C9orf85: variants seen among roughly 807,000 people sequenced by gnomAD.
C9orf85 encodes the protein chromosome 9 open reading frame 85, also known as uncharacterized protein C9orf85.
In C9orf85, 16 loss-of-function variants were observed where a neutral mutation model predicts 14.9. The observed-to-expected ratio is 1.08, with a 90% CI of 0.73 to 1.63. C9orf85 has a LOEUF of 1.63. Among genes scored for constraint, C9orf85 ranks in the 40% most tolerant of loss-of-function variants. The probability of loss-of-function intolerance (pLI) is 0.00; values close to 1 mark genes in which losing one functional copy is unlikely to be tolerated. For missense variants in C9orf85, 172 were observed against 186.1 expected, an observed-to-expected ratio of 0.92 and a Z score of 0.44; for synonymous variants, 45 against 56.8, an observed-to-expected ratio of 0.79 and a Z score of 0.93.
chr9:71,951,999 C>G (rs1395524052), intron 2 of C9orf85, among the ~76,000 whole-genome samples: 1 of 151,970 alleles, frequency 6.6e-6, no homozygotes, highest in Non-Finnish European at 1.5e-5. Context: ...TTTCAAGGTA[C>G]TAGAAATATA....
At chr9:71,961,067 C>T (rs754081826) in intron 2 of C9orf85, among the ~76,000 whole-genome samples, 1 of 151,868 alleles carries the variant, frequency 6.6e-6, no homozygotes, top group Non-Finnish European at 1.5e-5. Context: ...CATGCGCCAC[C>T]ACACCCGGCT....
intron 2 of C9orf85, among the ~76,000 whole-genome samples, chr9:71,964,299 A>C (rs1414775495): frequency 1.3e-5 from 2 of 152,016 alleles, no homozygotes; most frequent in Non-Finnish European, 2.9e-5. Context: ...AGAGAAGAGA[A>C]TAAAAGCAGG....
chr9:71,959,951 T>C (rs1469337581), intron 2 of C9orf85, among the ~76,000 whole-genome samples: 3 of 152,224 alleles, frequency 2.0e-5, no homozygotes, highest in African/African-American at 7.2e-5. Flanking sequence ...TACAAGACAC[T>C]GTGTTGTATG....
chr9:71,974,463 G>A (rs76891712), downstream of C9orf85, among the ~76,000 whole-genome samples: 2 of 151,956 alleles, frequency 1.3e-5, no homozygotes, highest in African/African-American at 2.4e-5. Context: ...AGGTGGTCTC[G>A]AACTCCTGGC....
intron 3 of C9orf85, among the ~76,000 whole-genome samples, chr9:71,981,930 C>G (rs1823104296): frequency 6.6e-6 from 1 of 152,030 alleles, no homozygotes; most frequent in South Asian, 2.1e-4. Flanking sequence ...TAAGACTCAC[C>G]AATTTTAAGT....
At chr9:71,961,591 A>G (rs1822526122) in intron 2 of C9orf85, among the ~76,000 whole-genome samples, 1 of 152,120 alleles carries the variant, frequency 6.6e-6, no homozygotes, top group African/African-American at 2.4e-5. Context: ...ACCACATTCC[A>G]AGAGTATTAA....
Position 71,968,095 on chromosome 9 carries a change from T to TAGAGAGAG in C9orf85, c.210-3409_210-3408insGAGAGAGA, listed in dbSNP as rs1278553423. Among the ~76,000 whole-genome samples, 8 of 15,008 alleles carry TAGAGAGAG rather than the reference T, an allele frequency of 5.3e-4. No homozygotes were observed. In the East Asian group the frequency reaches 6.7e-3, roughly 13 times the overall value. 9.8% of individuals were successfully genotyped at this position (15,008 alleles called of 152,430 possible). A position where few individuals can be genotyped will look rare whatever the true frequency, so the allele number is the denominator to read the frequency against. Reference sequence around the variant, plus strand: ...GGATAAATCCATTGCTGCATATATATATATATAGAGAGAGAGAGAGAGAGT... The same window carrying TAGAGAGAG: ...GGATAAATCCATTGCTGCATATATATAGAGAGAGATATATAGAGAGAGAGAGAGAGAGT... On this transcript the variant is annotated intron_variant, in intron 2 of 3. Transcript: ENST00000334731.
At chr9:71,974,794 C>A (rs544328795), downstream of C9orf85, among the ~76,000 whole-genome samples, 3 of 152,308 alleles carry the variant, frequency 2.0e-5, no homozygotes, top group South Asian at 2.1e-4. Flanking sequence ...CACTCTGCAT[C>A]TTCTAATACT....
chr9:71,972,226 G>C (rs1321797230), intron 3 of C9orf85, among the ~76,000 whole-genome samples: 1 of 151,774 alleles, frequency 6.6e-6, no homozygotes, highest in Non-Finnish European at 1.5e-5. Flanking sequence ...AGTGACAATA[G>C]TATTATAATT....
Position 71,980,298 on chromosome 9 carries a change from G to T in C9orf85, c.324-2359G>T, listed in dbSNP as rs548356117. Among the ~76,000 whole-genome samples the T allele has an allele frequency of 2.6e-5, 4 of 152,182 alleles. No individual in the cohort carries two copies. The South Asian group carries it at 8.3e-4, about 32-fold the overall frequency. ...CAAAGTGCTGGGATTACAGGTGTAAGCCATTACACCTGGCCTATATTTTTT... is the reference window on the plus strand; with the variant it reads ...CAAAGTGCTGGGATTACAGGTGTAATCCATTACACCTGGCCTATATTTTTT... On this transcript the variant is annotated intron_variant, in intron 3 of 3. Transcript: ENST00000377031.
At chr9:71,926,889 A>G (rs1166920823) in intron 1 of C9orf85, among the ~76,000 whole-genome samples, 1 of 151,956 alleles carries the variant, frequency 6.6e-6, no homozygotes, top group Non-Finnish European at 1.5e-5. Flanking sequence ...TACAGAGGAC[A>G]TGGAAGGTAA....
rs1451571278 is a variant in C9orf85 at position 71,963,050 on chromosome 9, C to G, written c.210-8455C>G. Among the ~76,000 whole-genome samples the G allele has an allele frequency of 4.0e-5, 6 of 151,876 alleles. No individual in the cohort carries two copies. The East Asian group carries it at 1.2e-3, about 29-fold the overall frequency. On this transcript the variant is annotated intron_variant, in intron 2 of 3. Coordinates refer to ENST00000334731, the MANE Select transcript of C9orf85 (RefSeq NM_182505.5). ...CAGCATGGGGGACAAGAGTGAAACT[C>G]CGTCTCACCAAAAAAAAAGGTTGTG... is the stretch of plus-strand genomic sequence containing the variant.
intron 1 of C9orf85, among the ~76,000 whole-genome samples, chr9:71,940,829 T>C (rs1399842485): frequency 1.3e-5 from 2 of 152,180 alleles, no homozygotes; most frequent in African/African-American, 2.4e-5. Context: ...AATTGGTGAA[T>C]TGAATAAACA....
intron 2 of C9orf85, among the ~76,000 whole-genome samples, chr9:71,968,930 A>G (rs1190848679): frequency 3.9e-5 from 6 of 151,972 alleles, no homozygotes; most frequent in Non-Finnish European, 8.8e-5. Flanking sequence ...CAGTTTCGGC[A>G]GGAAAGACGG....
downstream of C9orf85, among the ~76,000 whole-genome samples, chr9:71,977,319 A>G (rs933242369): frequency 6.6e-6 from 1 of 152,220 alleles, no homozygotes; most frequent in East Asian, 1.9e-4. Context: ...TTCCCAGCTG[A>G]TACCTCAGCA....
At chr9:71,971,453 A>T in intron 2 of C9orf85, 52 bp from the exon 3 acceptor site, 2 of 1,116,090 alleles carry the variant, frequency 1.8e-6, no homozygotes, top group South Asian at 3.0e-5. Flanking sequence ...TTATTTTATC[A>T]AATAAGTCTG....
intron 1 of C9orf85, among the ~76,000 whole-genome samples, chr9:71,920,783 A>T (rs1827780968): frequency 6.6e-6 from 1 of 152,182 alleles, no homozygotes; most frequent in African/African-American, 2.4e-5. Context: ...CATGCCTAAG[A>T]TTCTTTTCTT....
At chr9:71,931,168 A>G (rs1360438365) in intron 1 of C9orf85, among the ~76,000 whole-genome samples, 2 of 152,180 alleles carry the variant, frequency 1.3e-5, no homozygotes, top group Non-Finnish European at 2.9e-5. Context: ...AGTCATACAG[A>G]GTGAGAATCT....
chr9:71,934,596 C>T (rs1263592731), intron 1 of C9orf85, among the ~76,000 whole-genome samples: 1 of 151,648 alleles, frequency 6.6e-6, no homozygotes, highest in Non-Finnish European at 1.5e-5. Flanking sequence ...TGGTCGAGAA[C>T]AGTGGCTCAC....
Sources: allele counts gnomAD v4.1 joint callset (sites outside exome capture counted in the v4.1 genomes callset), GRCh38; gene constraint gnomAD v4.1.1; transcripts MANE v1.5; gene names NCBI Gene and HGNC (gene_info 2026-07-23, HGNC 2026-07-21).